The following DDX4 variants were observed in gnomAD, a reference collection of about 807,000 sequenced individuals.
DDX4 encodes DEAD-box helicase 4.
DDX4 carries 25 observed loss-of-function variants against 100.0 expected under a neutral mutation model. The observed-to-expected ratio is 0.25, with a 90% CI of 0.18 to 0.35. The LOEUF is 0.35. Among genes scored for constraint, DDX4 ranks in the 10% least tolerant of loss-of-function variants. The pLI is 1.00. For synonymous variants in DDX4, 259 were observed against 275.7 expected (o/e 0.94, Z 0.60); for missense variants, 635 against 882.4 (o/e 0.72, Z 3.55).
intron 7 of DDX4, among the ~76,000 whole-genome samples, chr5:55,769,080 C>G (rs1208927733): frequency 6.6e-6 from 1 of 152,174 alleles, no homozygotes; most frequent in Non-Finnish European, 1.5e-5. Flanking sequence ...TCTGTTTACT[C>G]TGCTGATAGT....
At chr5:55,754,890 G>A (rs887260777) in intron 3 of DDX4, among the ~76,000 whole-genome samples, 2 of 152,012 alleles carry the variant, frequency 1.3e-5, no homozygotes, top group African/African-American at 4.8e-5. Context: ...CTTCTTCCTG[G>A]TTTAGTCTTG....
chr5:55,800,594 G>A (rs557453593), intron 18 of DDX4, among the ~76,000 whole-genome samples: 2 of 152,230 alleles, frequency 1.3e-5, no homozygotes, highest in East Asian at 3.9e-4. Context: ...AAAGTGCTGG[G>A]ATTACAGGCA....
intron 18 of DDX4, among the ~76,000 whole-genome samples, chr5:55,811,582 T>C (rs1238566963): frequency 6.6e-6 from 1 of 152,232 alleles, no homozygotes; most frequent in Non-Finnish European, 1.5e-5. Flanking sequence ...TAAACTACTT[T>C]TTTTCCTTGA....
chr5:55,786,372 TTC>T (rs775016044), intron 13 of DDX4, 144 bp from the exon 14 acceptor site: 2 of 566,994 alleles, frequency 3.5e-6, no homozygotes, highest in Non-Finnish European at 3.1e-6. Flanking sequence ...GAATATTTAC[TTC>T]TGAGTGGAGG....
At chr5:55,815,197 G>A (rs1203347023) in intron 20 of DDX4, 26 bp downstream of exon 20, 1 of 1,608,682 alleles carries the variant, frequency 6.2e-7, no homozygotes, top group East Asian at 2.2e-5. Flanking sequence ...ATGATGGAAT[G>A]GATAGTTTTC....
chr5:55,742,242 T>C (rs1196581624), intron 2 of DDX4: 1 of 456,292 alleles, frequency 2.2e-6, no homozygotes, highest in Admixed American at 2.3e-5. Context: ...AGTGTTAGAA[T>C]GGATGGGTAT....
chr5:55,792,444 C>G (rs1742637930), intron 16 of DDX4, among the ~76,000 whole-genome samples, 197 bp from the exon 17 acceptor site: 1 of 151,564 alleles, frequency 6.6e-6, no homozygotes, highest in Admixed American at 6.6e-5. Flanking sequence ...ACTGCAAGCT[C>G]TGCCTCCCGG....
rs145090055 is a variant in DDX4 at position 55,739,079 on chromosome 5, A to G, written c.69+47A>G. 5.7e-4 allele frequency: 665 copies of G among 1,170,466 alleles called. No homozygotes were observed. The Middle Eastern group carries it at 8.4e-3, about 15-fold the overall frequency. 72.5% of individuals were successfully genotyped at this position (1,170,466 alleles called of 1,614,324 possible). A position where few individuals can be genotyped will look rare whatever the true frequency, so the allele number is the denominator to read the frequency against. On this transcript the variant is annotated intron_variant, in intron 2 of 21. Coordinates refer to ENST00000505374, the MANE Select transcript of DDX4 (RefSeq NM_024415.3). ...TTATTAAATGCTACGGATTTTATCAAAGTTGAAAATCACTGTGGTGAGAGT... is the reference window on the plus strand; with the variant it reads ...TTATTAAATGCTACGGATTTTATCAGAGTTGAAAATCACTGTGGTGAGAGT...
At chr5:55,780,335 T>G (rs1741831651) in intron 8 of DDX4, among the ~76,000 whole-genome samples, 1 of 152,196 alleles carries the variant, frequency 6.6e-6, no homozygotes, top group South Asian at 2.1e-4. Context: ...TTTAGAGCTT[T>G]GATAATATGG....
At position 55,793,481 on chromosome 5, in the gene DDX4, G is replaced by T. The variant is rs1031592650; in HGVS notation, c.1469+674G>T. Among the ~76,000 whole-genome samples the T allele has an allele frequency of 5.3e-5, 8 of 152,188 alleles. 1 individual carries two copies. Among genetic ancestry groups the T allele is most frequent in the Admixed American group, 3.9e-4 (6 of 15,294 alleles). On this transcript the variant is annotated intron_variant, in intron 17 of 21. Coordinates refer to ENST00000505374, the MANE Select transcript of DDX4 (RefSeq NM_024415.3). Reference sequence around the variant, plus strand: ...ATTTTGGACTTAAAATAGGTTTATCGGGATGTTAACCCTGTTGTAAGTTGG... The same window carrying T: ...ATTTTGGACTTAAAATAGGTTTATCTGGATGTTAACCCTGTTGTAAGTTGG...
chr5:55,809,748 A>G (rs1743997435), intron 18 of DDX4, among the ~76,000 whole-genome samples: 2 of 152,192 alleles, frequency 1.3e-5, no homozygotes. Flanking sequence ...TTTTTACAGA[A>G]TGCCATGTGT....
intron 2 of DDX4, chr5:55,742,233 G>C (rs1759017016): frequency 2.2e-6 from 1 of 456,158 alleles, no homozygotes. Flanking sequence ...ATTGGGGTGA[G>C]TGTTAGAATG....
chr5:55,783,663 A>ATGGG (rs1341709837), intron 10 of DDX4, among the ~76,000 whole-genome samples: 4 of 125,506 alleles, frequency 3.2e-5, no homozygotes, highest in African/African-American at 1.1e-4. Context: ...GGATGGATGG[A>ATGGG]TGGATGGATG....
chr5:55,797,147 A>G (rs570719481), intron 17 of DDX4, among the ~76,000 whole-genome samples: 1 of 152,246 alleles, frequency 6.6e-6, no homozygotes. Context: ...CCCCGCCTCA[A>G]ACTGGAGGAT....
At position 55,816,540 on chromosome 5, in the gene DDX4, A is replaced by G. The variant is rs1363284746; in HGVS notation, c.2175A>G (p.Ter725=). The G allele has an allele frequency of 1.2e-6, 2 of 1,612,508 alleles. No individual in the cohort carries two copies. The highest frequency in any genetic ancestry group is 2.7e-5 in the African/African-American group (2 of 74,944). The change falls in exon 22 of 22, where the codon TAA becomes TAG. Residue 725 remains the stop codon, a stop_retained_variant. Coordinates refer to ENST00000505374, the MANE Select transcript of DDX4 (RefSeq NM_024415.3). ...CAGTAGATGATGAGTCATGGGATTAAAGCCAAAACATCCTTCAAGTCTGTG... is the reference window on the plus strand; with the variant it reads ...CAGTAGATGATGAGTCATGGGATTAGAGCCAAAACATCCTTCAAGTCTGTG... ...PNPVDDESWD[*]
chr5:55,793,579 G>A (rs191788549), intron 17 of DDX4, among the ~76,000 whole-genome samples: 22 of 152,310 alleles, frequency 1.4e-4, no homozygotes, highest in Admixed American at 4.6e-4. Context: ...GAACCAAGAC[G>A]TCAAAACCTG....
At chr5:55,808,600 T>G (rs984964876) in intron 18 of DDX4, among the ~76,000 whole-genome samples, 2 of 152,256 alleles carry the variant, frequency 1.3e-5, no homozygotes, top group Non-Finnish European at 2.9e-5. Context: ...CTTGTTTGCC[T>G]GGGTATCAGC....
intron 3 of DDX4, among the ~76,000 whole-genome samples, chr5:55,747,336 C>T (rs1759298510): frequency 6.6e-6 from 1 of 152,158 alleles, no homozygotes; most frequent in African/African-American, 2.4e-5. Flanking sequence ...CGAGATTACG[C>T]CACTGTACTC....
chr5:55,757,234 C>G (rs1017033134), intron 3 of DDX4, among the ~76,000 whole-genome samples: 6 of 152,144 alleles, frequency 3.9e-5, no homozygotes, highest in African/African-American at 1.2e-4. Context: ...GCACTGTACC[C>G]AATTTGTAGT....
Sources: gnomAD v4.1 joint callset for allele counts (sites outside exome capture counted in the v4.1 genomes callset) on GRCh38, gnomAD v4.1.1 for gene constraint, MANE v1.5 for transcripts, NCBI Gene and HGNC (gene_info 2026-07-23, HGNC 2026-07-21) for gene names.